Variants in SLC26A8 observed in about 807,000 individuals in gnomAD.
SLC26A8 encodes the protein testis anion transporter 1.
A neutral mutation model predicts 105.0 loss-of-function variants in SLC26A8; 70 were observed. That is an observed-to-expected ratio of 0.67 (90% CI 0.55 to 0.81). SLC26A8 has a LOEUF of 0.81. Ranked by LOEUF, SLC26A8 falls within the 40% of genes least tolerant of loss-of-function variation. The pLI is 0.00. For synonymous variants in SLC26A8, 415 were observed against 438.3 expected (o/e 0.95, Z 0.66); for missense variants, 998 against 1,181.8 (o/e 0.84, Z 2.28).
At chr6:35,953,291 T>C (rs1771943444) in intron 17 of SLC26A8, among the ~76,000 whole-genome samples, 1 of 152,044 alleles carries the variant, frequency 6.6e-6, no homozygotes, top group Non-Finnish European at 1.5e-5. Context: ...CCAGAACATA[T>C]GGTGCCTCTA....
chr6:35,944,460 C>G lies in SLC26A8; in HGVS notation c.2473-120G>C, dbSNP rs540544851. The stretch of plus-strand genomic sequence containing the variant: ...CTGGGGCAGGAGAATCGCTTTAGAC[C>G]AGGAGTTCAAGGCCAGCCTGGGCAA... On this transcript the variant is annotated intron_variant, in intron 19 of 19. Coordinates refer to ENST00000490799, the MANE Select transcript of SLC26A8 (RefSeq NM_052961.4). The G allele has an allele frequency of 3.4e-4, 216 of 639,550 alleles. 2 individuals are homozygous for G. The highest frequency in any genetic ancestry group is 2.7e-3 in the African/African-American group (146 of 54,668). 39.6% of individuals were successfully genotyped at this position (639,550 alleles called of 1,614,324 possible). A position where few individuals can be genotyped will look rare whatever the true frequency, so the allele number is the denominator to read the frequency against.
intron 7 of SLC26A8, among the ~76,000 whole-genome samples, 172 bp from the exon 8 acceptor site, chr6:35,982,375 C>T (rs971873942): frequency 6.6e-6 from 1 of 152,212 alleles, no homozygotes; most frequent in Non-Finnish European, 1.5e-5. Context: ...CGGAGCAAGG[C>T]AGGCATTAGA....
At chr6:35,945,064 G>T (rs189763603) in intron 19 of SLC26A8, among the ~76,000 whole-genome samples, 27 of 152,166 alleles carry the variant, frequency 1.8e-4, no homozygotes, top group African/African-American at 6.3e-4. Flanking sequence ...TGGCCAGGCT[G>T]GTCTCAAACT....
At chr6:36,020,649 T>C (rs1224030368) in intron 1 of SLC26A8, among the ~76,000 whole-genome samples, 1 of 152,074 alleles carries the variant, frequency 6.6e-6, no homozygotes, top group Non-Finnish European at 1.5e-5. Context: ...ATTATCCTGC[T>C]TTTTTAAAAG....
intron 11 of SLC26A8, among the ~76,000 whole-genome samples, chr6:35,968,288 G>A (rs1262380031): frequency 1.3e-5 from 2 of 151,838 alleles, no homozygotes; most frequent in Admixed American, 1.3e-4. Flanking sequence ...GGGATTACAG[G>A]CATGCACCAC....
intron 10 of SLC26A8, among the ~76,000 whole-genome samples, chr6:35,971,676 A>T (rs562636745): frequency 6.6e-6 from 1 of 152,322 alleles, no homozygotes; most frequent in East Asian, 1.9e-4. Context: ...CCAAGGTCAC[A>T]TACATCTAGG....
At chr6:36,009,489 C>A (rs1581694122) in intron 3 of SLC26A8, among the ~76,000 whole-genome samples, 1 of 152,132 alleles carries the variant, frequency 6.6e-6, no homozygotes, top group Non-Finnish European at 1.5e-5. Context: ...TGTGATACAT[C>A]TATACCATGG....
chr6:35,987,933 A>G (rs955384578), intron 7 of SLC26A8, among the ~76,000 whole-genome samples: 1 of 127,812 alleles, frequency 7.8e-6, no homozygotes, highest in Non-Finnish European at 1.6e-5. Flanking sequence ...TTTTTTTTAC[A>G]TGGAGTCTTG....
intron 6 of SLC26A8, among the ~76,000 whole-genome samples, 165 bp from the exon 7 acceptor site, chr6:35,991,973 G>A (rs982450072): frequency 2.6e-5 from 4 of 152,128 alleles, no homozygotes; most frequent in African/African-American, 9.7e-5. Context: ...CATGGTGGGG[G>A]TGGCCAATTT....
chr6:36,014,304 C>G (rs924629417), intron 2 of SLC26A8, among the ~76,000 whole-genome samples: 1 of 151,938 alleles, frequency 6.6e-6, no homozygotes, highest in Non-Finnish European at 1.5e-5. Context: ...ACAATGGACA[C>G]GGAGTGATGA....
At chr6:35,948,669 C>T (rs1771758018) in intron 19 of SLC26A8, among the ~76,000 whole-genome samples, 1 of 152,170 alleles carries the variant, frequency 6.6e-6, no homozygotes, top group African/African-American at 2.4e-5. Flanking sequence ...ACTAGAAATA[C>T]ACTTTAGTTT....
intron 3 of SLC26A8, among the ~76,000 whole-genome samples, chr6:36,008,689 C>T (rs1761760931): frequency 6.6e-6 from 1 of 152,090 alleles, no homozygotes; most frequent in African/African-American, 2.4e-5. Flanking sequence ...ACAGTAAAAA[C>T]ATAATTTAAC....
At chr6:36,003,974 T>C (rs1761606831) in intron 3 of SLC26A8, among the ~76,000 whole-genome samples, 1 of 152,032 alleles carries the variant, frequency 6.6e-6, no homozygotes, top group African/African-American at 2.4e-5. Context: ...TTCTTTGCTT[T>C]TCTTTACCAG....
chr6:35,959,918 A>T (rs1367232469), intron 14 of SLC26A8, 112 bp from the exon 15 acceptor site: 5 of 893,048 alleles, frequency 5.6e-6, no homozygotes, highest in South Asian at 3.3e-5. Flanking sequence ...TTATTTTTTT[A>T]TTTTTTTTGA....
intron 3 of SLC26A8, among the ~76,000 whole-genome samples, chr6:36,011,580 T>C (rs1274972317): frequency 1.3e-5 from 2 of 152,212 alleles, no homozygotes; most frequent in Non-Finnish European, 2.9e-5. Context: ...GCTGGAGAGA[T>C]GCTGGCATGC....
chr6:35,974,467 C>G (rs1312479642), intron 10 of SLC26A8, among the ~76,000 whole-genome samples: 3 of 152,222 alleles, frequency 2.0e-5, no homozygotes, highest in Non-Finnish European at 4.4e-5. Context: ...AGTTTACTGA[C>G]TCAGAATACC....
In SLC26A8 at chr6:36,024,555, T is replaced by A. The variant is rs9368897; in HGVS notation, c.-54A>T. The stretch of plus-strand genomic sequence containing the variant: ...CGGGCGCTGGGATCCCACACGGCTC[T>A]CGCCTGGCTGGCGGCGCTGCGGACG... On this transcript the variant is annotated 5_prime_UTR_variant, in exon 1 of 20. Coordinates refer to ENST00000490799, the MANE Select transcript of SLC26A8 (RefSeq NM_052961.4). 5.0e-6 allele frequency: 2 copies of A among 396,326 alleles called. No individual in the cohort carries two copies. Among genetic ancestry groups the A allele is most frequent in the Non-Finnish European group, 1.0e-5 (2 of 200,764 alleles). The allele number at this position is 396,326 out of a possible 1,614,324, so 24.6% of individuals were successfully genotyped here.
chr6:35,992,643 A>G lies in SLC26A8; in HGVS notation c.659T>C (p.Ile220Thr), dbSNP rs1417410282. 5 of 1,613,338 alleles carry G rather than the reference A, an allele frequency of 3.1e-6. No individual in the cohort carries two copies. The highest frequency in any genetic ancestry group is 2.5e-6 in the Non-Finnish European group (3 of 1,179,778). The stretch of plus-strand genomic sequence containing the variant: ...TGCAGACTCCGGAAGGTAAGTGGCA[A>G]TGAAGCCCAAACCCAATACGCCCAT... ...LIMGVLGLGF[I>T]ATYLPESAMS... The change falls in exon 6 of 20, where the codon ATT becomes ACT. Residue 220 changes from isoleucine to threonine, a missense_variant. Ile to Thr is a moderately conservative substitution (Grantham distance 89, BLOSUM62 -1). Coordinates refer to ENST00000490799, the MANE Select transcript of SLC26A8 (RefSeq NM_052961.4).
Position 36,012,222 on chromosome 6 carries a change from A to G in SLC26A8, c.328+11T>C, listed in dbSNP as rs372105934. On this transcript the variant is annotated intron_variant, in intron 3 of 19. Transcript: ENST00000490799. ...TTGTCTTTGGATGAACAGGCTTCAT[A>G]TCTTCCTTACCTTGGGGAACTTGCA... 50 of 1,610,542 alleles carry G rather than the reference A, an allele frequency of 3.1e-5. No individual in the cohort carries two copies. The Middle Eastern group carries it at 1.5e-3, about 48-fold the overall frequency.
Sources: allele counts gnomAD v4.1 joint callset (sites outside exome capture counted in the v4.1 genomes callset), GRCh38; gene constraint gnomAD v4.1.1; transcripts MANE v1.5; gene names NCBI Gene and HGNC (gene_info 2026-07-23, HGNC 2026-07-21).